Variants in AHR observed in about 807,000 individuals in gnomAD.
AHR encodes the protein AH-receptor.
Under a neutral mutation model 86.8 loss-of-function variants are expected in AHR, and 40 were observed. That is an observed-to-expected ratio of 0.46 (90% CI 0.36 to 0.60). The LOEUF is 0.60. AHR is among the 20% of genes least tolerant of loss of function. AHR has a pLI of 0.00. For missense variants in AHR, 1,001 were observed against 1,011.6 expected (o/e 0.99, Z 0.14); for synonymous variants, 398 against 354.9 (o/e 1.12, Z -1.37).
chr7:17,324,643 A>G (rs977687456), intron 3 of AHR, among the ~76,000 whole-genome samples: 3 of 152,148 alleles, frequency 2.0e-5, no homozygotes, highest in African/African-American at 4.8e-5. Context: ...TCTACTAAAA[A>G]TACAAAAAAT....
rs574226703 is a variant in AHR, at chr7:17,329,834, T to A, written c.451-118T>A. The A allele has an allele frequency of 7.2e-4, 626 of 865,930 alleles. 1 individual carries two copies. The highest frequency in any genetic ancestry group is 4.8e-3 in the Middle Eastern group (13 of 2,694). The allele number at this position is 865,930 out of a possible 1,614,324, so 53.6% of individuals were successfully genotyped here. The stretch of plus-strand genomic sequence containing the variant: ...GTGACTAGGGAATTTTAGGAATCAT[T>A]CAATTCGTATTCATCACCACTAGCA... On this transcript the variant is annotated intron_variant, in intron 4 of 10. Coordinates refer to ENST00000242057, the MANE Select transcript of AHR (RefSeq NM_001621.5).
chr7:17,298,877 C>G lies in AHR; in HGVS notation c.-388C>G. Reference sequence around the variant, plus strand: ...CCGCGGCGACGGTCACGGGGCGCGGCGCCACCGTGAGCGACCCAGGCCAGG... The same window carrying G: ...CCGCGGCGACGGTCACGGGGCGCGGGGCCACCGTGAGCGACCCAGGCCAGG... On this transcript the variant is annotated 5_prime_UTR_variant, in exon 1 of 11. Transcript: ENST00000242057. The G allele has an allele frequency of 2.5e-6, 1 of 398,512 alleles. No individual in the cohort carries two copies. Among genetic ancestry groups the G allele is most frequent in the Non-Finnish European group, 4.4e-6 (1 of 226,068 alleles). The allele number at this position is 398,512 out of a possible 1,614,324, so 24.7% of individuals were successfully genotyped here.
intron 2 of AHR, among the ~76,000 whole-genome samples, chr7:17,318,619 A>G (rs561656160): frequency 5.3e-5 from 8 of 152,262 alleles, no homozygotes; most frequent in Admixed American, 3.9e-4. Flanking sequence ...CCATTACGGT[A>G]CAGCAGATAC....
intron 10 of AHR, among the ~76,000 whole-genome samples, chr7:17,340,695 A>C (rs913169713): frequency 6.6e-6 from 1 of 152,172 alleles, no homozygotes; most frequent in Non-Finnish European, 1.5e-5. Flanking sequence ...ACTCAAATTT[A>C]AGTGTGCTTT....
intron 2 of AHR, among the ~76,000 whole-genome samples, chr7:17,312,463 CAG>C (rs1782075600): frequency 6.6e-6 from 1 of 152,034 alleles, no homozygotes; most frequent in Non-Finnish European, 1.5e-5. Flanking sequence ...CATATATAAA[CAG>C]ATATATTTCT....
In AHR at chr7:17,346,123, T is replaced by C. The variant is rs970182577; in HGVS notation, c.*3059T>C. 6.6e-6 allele frequency: 1 copy of C among 152,466 alleles called. No individual in the cohort carries two copies. The highest frequency in any genetic ancestry group is 6.5e-5 in the Admixed American group (1 of 15,280). 9.4% of individuals were successfully genotyped at this position (152,466 alleles called of 1,614,324 possible). A position where few individuals can be genotyped will look rare whatever the true frequency, so the allele number is the denominator to read the frequency against. ...TCATTATCAAAGTTGTATACAATAA[T>C]ATATAATAAAATAACAAATATGAAT... On this transcript the variant is annotated 3_prime_UTR_variant, in exon 11 of 11. Transcript: ENST00000242057.
chr7:17,315,577 T>C (rs1782107076), intron 2 of AHR, among the ~76,000 whole-genome samples: 1 of 151,938 alleles, frequency 6.6e-6, no homozygotes, highest in South Asian at 2.1e-4. Flanking sequence ...TTAGGGAGAC[T>C]ACCGTGGGCT....
chr7:17,320,856 AT>A (rs1562477777), intron 2 of AHR, among the ~76,000 whole-genome samples: 1 of 152,150 alleles, frequency 6.6e-6, no homozygotes, highest in African/African-American at 2.4e-5. Context: ...TTGAAGTTAC[AT>A]TCAGAGACCG....
intron 3 of AHR, among the ~76,000 whole-genome samples, chr7:17,324,112 C>G (rs1246007803): frequency 6.6e-6 from 1 of 152,088 alleles, no homozygotes; most frequent in Non-Finnish European, 1.5e-5. Context: ...AGCTGTAAAG[C>G]TATAATTATA....
chr7:17,327,785 C>A lies in AHR; in HGVS notation c.387C>A (p.Val129=). Residue 129 remains valine, a synonymous_variant, in exon 4 of 11, where the codon GTC becomes GTA. Transcript: ENST00000242057. ...LQALNGFVLV[V]TTDALVFYAS... ...CTCTGAATGGCTTTGTATTAGTTGT[C>A]ACTACAGATGCTTTGGTCTTTTATG... 6.3e-7 allele frequency: 1 copy of A among 1,575,714 alleles called. No individual in the cohort carries two copies. The highest frequency in any genetic ancestry group is 1.2e-5 in the South Asian group (1 of 84,636).
chr7:17,342,887 T>G, intron 10 of AHR, 34 bp from the exon 11 acceptor site: 1 of 1,599,028 alleles, frequency 6.3e-7, no homozygotes, highest in Non-Finnish European at 8.6e-7. Flanking sequence ...GGAAGATCTA[T>G]TCCAATAAGT....
chr7:17,321,236 G>T (rs1348947066), intron 2 of AHR, among the ~76,000 whole-genome samples: 2 of 151,988 alleles, frequency 1.3e-5, no homozygotes, highest in Non-Finnish European at 2.9e-5. Flanking sequence ...CAATCCATAA[G>T]CTCTGAGAAA....
intron 1 of AHR, among the ~76,000 whole-genome samples, chr7:17,308,471 A>G (rs2115352209): frequency 6.6e-6 from 1 of 152,276 alleles, no homozygotes; most frequent in Non-Finnish European, 1.5e-5. Context: ...CTTGTCAGCA[A>G]GTTATTAATT....
intron 2 of AHR, among the ~76,000 whole-genome samples, chr7:17,312,492 TTATGTGTG>T: frequency 6.6e-6 from 1 of 152,336 alleles, no homozygotes; most frequent in East Asian, 1.9e-4. Context: ...AATGTCTACA[TTATGTGTG>T]TATGTGTGTT....
intron 1 of AHR, among the ~76,000 whole-genome samples, chr7:17,309,154 G>T (rs1184831169): frequency 6.6e-6 from 1 of 152,148 alleles, no homozygotes; most frequent in East Asian, 1.9e-4. Context: ...TGACCCATAA[G>T]TGTCTTTATT....
intron 2 of AHR, among the ~76,000 whole-genome samples, chr7:17,321,640 A>G (rs910886597): frequency 6.6e-6 from 1 of 151,724 alleles, no homozygotes; most frequent in African/African-American, 2.4e-5. Flanking sequence ...AAAAGAAGAG[A>G]TAGCATTATA....
chr7:17,340,074 A>G lies in AHR; in HGVS notation c.2249A>G (p.His750Arg). ...TTACAACTTCCTGAAAACCAAAAGC[A>G]TGGATTAAATCCACAGTCAGCCATA... The part of the protein sequence containing the change: ...TCLQLPENQK[H>R]GLNPQSAIIT... Residue 750 changes from histidine to arginine, a missense_variant, in exon 10 of 11, where the codon CAT (histidine) becomes CGT (arginine). His to Arg is a conservative substitution (Grantham distance 29, BLOSUM62 0). This residue lies in a region of AHR where 607 missense variants were observed against 543.1 expected (regional missense o/e 1.12). Coordinates refer to ENST00000242057, the MANE Select transcript of AHR (RefSeq NM_001621.5). 2 of 1,614,252 alleles carry G rather than the reference A, an allele frequency of 1.2e-6. No homozygotes were observed. Among genetic ancestry groups the G allele is most frequent in the Non-Finnish European group, 1.7e-6 (2 of 1,180,040 alleles).
At chr7:17,332,381 T>A (rs1013044234) in intron 6 of AHR, among the ~76,000 whole-genome samples, 8 of 151,830 alleles carry the variant, frequency 5.3e-5, no homozygotes, top group African/African-American at 1.9e-4. Flanking sequence ...TCAGGAAATA[T>A]TCCAAAAGAA....
At chr7:17,326,450 T>G (rs1782231279) in intron 3 of AHR, among the ~76,000 whole-genome samples, 1 of 152,192 alleles carries the variant, frequency 6.6e-6, no homozygotes, top group Non-Finnish European at 1.5e-5. Flanking sequence ...AGCATACATA[T>G]CTCCTCTTGG....
Sources: allele counts gnomAD v4.1 joint callset (sites outside exome capture counted in the v4.1 genomes callset), GRCh38; gene constraint gnomAD v4.1.1; regional missense constraint gnomAD v4.1.1; transcripts MANE v1.5; gene names NCBI Gene and HGNC (gene_info 2026-07-23, HGNC 2026-07-21).